ITGA1: variants seen among roughly 807,000 people sequenced by gnomAD.
ITGA1 encodes the protein integrin alpha-1.
A neutral mutation model predicts 145.9 loss-of-function variants in ITGA1; 85 were observed. The observed-to-expected ratio is 0.58, with a 90% CI of 0.49 to 0.70. The LOEUF (loss-of-function observed/expected upper bound fraction) is 0.70. Ranked by LOEUF, ITGA1 falls within the 30% of genes least tolerant of loss-of-function variation. The pLI, the probability that ITGA1 is intolerant of heterozygous loss-of-function variation, is 0.00. For synonymous variants in ITGA1, 520 were observed against 495.3 expected (o/e 1.05, Z -0.66); for missense variants, 1,351 against 1,418.7 (o/e 0.95, Z 0.77).
chr5:52,821,924 CT>C (rs1748885858), intron 1 of ITGA1, among the ~76,000 whole-genome samples: 1 of 152,120 alleles, frequency 6.6e-6, no homozygotes, highest in South Asian at 2.1e-4. Flanking sequence ...TTATCATAAG[CT>C]GTATGATTTT....
chr5:52,902,892 T>C (rs1302127871), intron 11 of ITGA1: 1 of 152,144 alleles, frequency 6.6e-6, no homozygotes, highest in Non-Finnish European at 1.5e-5. Context: ...TCCATCTTAT[T>C]CTTTTCTTTT....
intron 1 of ITGA1, among the ~76,000 whole-genome samples, chr5:52,804,770 T>C (rs1748558679): frequency 6.6e-6 from 1 of 152,180 alleles, no homozygotes; most frequent in South Asian, 2.1e-4. Context: ...TATAGTACAT[T>C]TAAACCATGT....
chr5:52,866,149 G>T (rs1406256068), intron 6 of ITGA1, among the ~76,000 whole-genome samples: 3 of 152,074 alleles, frequency 2.0e-5, no homozygotes, highest in Non-Finnish European at 4.4e-5. Context: ...CCAGAAGCTG[G>T]AATTACAGGC....
chr5:52,905,949 C>T (rs1485321675), intron 12 of ITGA1, 41 bp downstream of exon 12: 1 of 1,543,408 alleles, frequency 6.5e-7, no homozygotes, highest in Admixed American at 1.7e-5. Flanking sequence ...TTAATCTATT[C>T]ATACTCTATG....
chr5:52,829,064 A>G (rs561063106), intron 1 of ITGA1, among the ~76,000 whole-genome samples: 40 of 152,304 alleles, frequency 2.6e-4, no homozygotes, highest in African/African-American at 9.4e-4. Context: ...TCCTTAACTT[A>G]AATACTTCTG....
intron 1 of ITGA1, among the ~76,000 whole-genome samples, chr5:52,819,068 C>T (rs1247747016): frequency 6.6e-6 from 1 of 152,162 alleles, no homozygotes; most frequent in African/African-American, 2.4e-5. Context: ...CGGCACACTT[C>T]CAAGTCTTTG....
In ITGA1 at chr5:52,958,745, A is replaced by C. The variant is rs1751337839; in HGVS notation, c.*6294A>C. On this transcript the variant is annotated 3_prime_UTR_variant, in exon 29 of 29. Transcript: ENST00000282588. ...TTGCATACAAGAACTACTGCCCTGA[A>C]ATATCCATCACTCCAATGAACTGTT... 1 of 152,200 alleles carries C rather than the reference A, an allele frequency of 6.6e-6. No individual in the cohort carries two copies. Among genetic ancestry groups the C allele is most frequent in the African/African-American group, 2.4e-5 (1 of 41,444 alleles). The allele number at this position is 152,200 out of a possible 1,614,324, so 9.4% of individuals were successfully genotyped here. A position where few individuals can be genotyped will look rare whatever the true frequency, so the allele number is the denominator to read the frequency against.
intron 14 of ITGA1, among the ~76,000 whole-genome samples, chr5:52,912,711 AGTGTGT>A (rs67318879): frequency 0.045 from 5,992 of 132,078 alleles, 270 homozygotes; most frequent in African/African-American, 0.11. Flanking sequence ...CTATATATAT[AGTGTGT>A]GTGTGTGTGT....
At position 52,910,410 on chromosome 5, in the gene ITGA1, G is replaced by T. The variant is rs781247477; in HGVS notation, c.1848G>T (p.Glu616Asp). The T allele has an allele frequency of 2.5e-6, 4 of 1,611,008 alleles. No homozygotes were observed. The highest frequency in any genetic ancestry group is 3.4e-6 in the Non-Finnish European group (4 of 1,177,466). Residue 616 changes from glutamate to aspartate, a missense_variant, in exon 14 of 29, where the codon GAG (glutamate) becomes GAT (aspartate). Physicochemically the swap from Glu to Asp is conservative, Grantham distance 45. Coordinates refer to ENST00000282588, the MANE Select transcript of ITGA1 (RefSeq NM_181501.2). ...YHGSGKTIRK[E>D]YAQRIPSGGD... ...GAAGTGGCAAGACTATAAGGAAAGA[G>T]TATGCACAAGTAAGAATTGAAACCT...
intron 2 of ITGA1, among the ~76,000 whole-genome samples, chr5:52,854,379 A>C (rs1023882306): frequency 6.6e-6 from 1 of 152,184 alleles, no homozygotes; most frequent in Non-Finnish European, 1.5e-5. Context: ...CATTGCTTCT[A>C]ACGCCTTTTG....
At chr5:52,790,373 G>T (rs1292075952) in intron 1 of ITGA1, among the ~76,000 whole-genome samples, 3 of 152,244 alleles carry the variant, frequency 2.0e-5, no homozygotes, top group Non-Finnish European at 4.4e-5. Context: ...TATTGCTGTT[G>T]TAACAACTTG....
intron 1 of ITGA1, among the ~76,000 whole-genome samples, chr5:52,843,703 GTTATTT>G (rs957504936): frequency 3.5e-4 from 54 of 152,200 alleles, no homozygotes; most frequent in Admixed American, 1.2e-3. Context: ...GAGCTGGGTT[GTTATTT>G]TTATTTTTAT....
intron 24 of ITGA1, 138 bp from the exon 25 acceptor site, chr5:52,939,452 A>T: frequency 1.6e-6 from 1 of 632,026 alleles, no homozygotes; most frequent in Non-Finnish European, 2.8e-6. Context: ...AACCTTTCCC[A>T]TACAGCACAC....
At chr5:52,865,661 A>T in intron 5 of ITGA1, 29 bp from the exon 6 acceptor site, 2 of 1,441,496 alleles carry the variant, frequency 1.4e-6, no homozygotes, top group Non-Finnish European at 1.8e-6. Context: ...ATAGATTCCA[A>T]ATTTGACAAT....
At chr5:52,874,076 G>A (rs1447328928) in intron 6 of ITGA1, among the ~76,000 whole-genome samples, 3 of 151,108 alleles carry the variant, frequency 2.0e-5, no homozygotes, top group South Asian at 2.1e-4. Context: ...AAAAAAAAAA[G>A]GTGGATTATT....
At chr5:52,891,749 T>C (rs1750154799) in intron 8 of ITGA1, among the ~76,000 whole-genome samples, 1 of 151,874 alleles carries the variant, frequency 6.6e-6, no homozygotes, top group African/African-American at 2.4e-5. Context: ...ATGATACACA[T>C]TTTTTCACAT....
chr5:52,887,857 TA>T lies in ITGA1; in HGVS notation c.822del (p.Val275SerfsTer5). 6.2e-7 allele frequency: 1 copy of T among 1,613,844 alleles called. No homozygotes were observed. Among genetic ancestry groups the T allele is most frequent in the South Asian group, 1.1e-5 (1 of 91,038 alleles). On this transcript the variant is annotated frameshift_variant, in exon 8 of 29. Coordinates refer to ENST00000282588, the MANE Select transcript of ITGA1 (RefSeq NM_181501.2). LOFTEE classifies it high-confidence loss of function. Reference protein sequence around the residue: ...TEARGARRGVKKVMVIVTDGE... With the variant: ...TEARGARRGVXKVMVIVTDGE... ...AAGCCCGGGGTGCCCGAAGAGGAGT[TA>T]AAAAAGTCATGGTTATTGTGACAGA...
chr5:52,910,836 T>C (rs922220679), intron 14 of ITGA1, among the ~76,000 whole-genome samples: 4 of 143,144 alleles, frequency 2.8e-5, no homozygotes, highest in Non-Finnish European at 6.0e-5. Flanking sequence ...AGTGTGCATA[T>C]GGTATATATA....
intron 1 of ITGA1, among the ~76,000 whole-genome samples, chr5:52,807,920 C>A (rs1003545669): frequency 6.6e-6 from 1 of 152,044 alleles, no homozygotes; most frequent in African/African-American, 2.4e-5. Flanking sequence ...AACTATGCTA[C>A]CCCTGGGTAT....
Sources: gnomAD v4.1 joint callset for allele counts (sites outside exome capture counted in the v4.1 genomes callset) on GRCh38, gnomAD v4.1.1 for gene constraint, MANE v1.5 for transcripts, NCBI Gene and HGNC (gene_info 2026-07-23, HGNC 2026-07-21) for gene names.